Variants in MYOF observed in about 807,000 individuals in gnomAD.
MYOF encodes fer-1-like 3, myoferlin.
A neutral mutation model predicts 284.2 loss-of-function variants in MYOF; 244 were observed. The observed-to-expected ratio is 0.86, with a 90% CI of 0.77 to 0.95. The LOEUF (loss-of-function observed/expected upper bound fraction) is 0.95. Ranked by LOEUF, MYOF falls within the 40% of genes least tolerant of loss-of-function variation. The pLI is 0.00. For synonymous variants in MYOF, 904 were observed against 919.7 expected (o/e 0.98, Z 0.31); for missense variants, 2,496 against 2,560.6 (o/e 0.97, Z 0.54).
At chr10:93,348,879 C>G (rs932869762) in intron 36 of MYOF, among the ~76,000 whole-genome samples, 4 of 152,174 alleles carry the variant, frequency 2.6e-5, no homozygotes, top group Admixed American at 2.6e-4. Flanking sequence ...GCAGCTGTCA[C>G]TAGTTAGGAC....
At chr10:93,339,936 G>A (rs941958482) in intron 39 of MYOF, among the ~76,000 whole-genome samples, 1 of 152,088 alleles carries the variant, frequency 6.6e-6, no homozygotes. Context: ...AAAATTAGCC[G>A]GGCGAGGTGG....
intron 5 of MYOF, among the ~76,000 whole-genome samples, chr10:93,420,240 G>A (rs1404976028): frequency 6.6e-6 from 1 of 152,180 alleles, no homozygotes; most frequent in African/African-American, 2.4e-5. Flanking sequence ...TTTAACAGAT[G>A]GTGCTTCAAA....
chr10:93,457,624 T>C (rs1452042167), intron 1 of MYOF, among the ~76,000 whole-genome samples: 1 of 152,176 alleles, frequency 6.6e-6, no homozygotes, highest in African/African-American at 2.4e-5. Flanking sequence ...AGTTTCCTTG[T>C]AGCAAAGTCC....
intron 1 of MYOF, among the ~76,000 whole-genome samples, chr10:93,462,858 C>G (rs763647735): frequency 6.6e-6 from 1 of 151,950 alleles, no homozygotes; most frequent in Non-Finnish European, 1.5e-5. Flanking sequence ...CCTGCAGGCA[C>G]TGAACATCAA....
In MYOF at chr10:93,374,909, C is replaced by T. The variant is rs776968617; in HGVS notation, c.2155G>A (p.Asp719Asn). ...TEGKANVTVL[D>N]TQIRKLRSRS... ...GACCGCAGCTTTCGGATCTGAGTAT[C>T]GAGAACTGTGACGTTGGCTTTTCCT... Residue 719 changes from aspartate (D) to asparagine (N), a missense_variant, in exon 23 of 54, where the codon GAT becomes AAT. Physicochemically the swap from Asp to Asn is conservative, Grantham distance 23. Transcript: ENST00000359263. The T allele has an allele frequency of 1.9e-6, 3 of 1,613,940 alleles. No individual in the cohort carries two copies. The highest frequency in any genetic ancestry group is 2.2e-5 in the South Asian group (2 of 91,078).
Position 93,306,932 on chromosome 10 carries a change from G to C in MYOF, c.*31C>G. Reference sequence around the variant, plus strand: ...CAGAGGCAGGATTCTCTCATTGCTGGATGACTCTTGAAATGAAGCCTTTGC... The same window carrying C: ...CAGAGGCAGGATTCTCTCATTGCTGCATGACTCTTGAAATGAAGCCTTTGC... On this transcript the variant is annotated 3_prime_UTR_variant, in exon 54 of 54. Transcript: ENST00000359263. 3 of 1,605,208 alleles carry C rather than the reference G, an allele frequency of 1.9e-6. No individual in the cohort carries two copies. The highest frequency in any genetic ancestry group is 1.7e-6 in the Non-Finnish European group (2 of 1,172,520).
intron 36 of MYOF, among the ~76,000 whole-genome samples, chr10:93,348,616 C>A (rs1424535297): frequency 6.6e-6 from 1 of 151,900 alleles, no homozygotes; most frequent in Non-Finnish European, 1.5e-5. Flanking sequence ...GGCCCAGGGA[C>A]AACCACTTTG....
intron 1 of MYOF, among the ~76,000 whole-genome samples, chr10:93,478,825 CAAAAAAAA>C (rs796689657): frequency 9.7e-6 from 1 of 103,598 alleles, no homozygotes; most frequent in Non-Finnish European, 1.9e-5. Context: ...GAAACAGTCT[CAAAAAAAA>C]AAAAAAAAAA....
At chr10:93,364,704 G>C (rs1410380042) in intron 26 of MYOF, among the ~76,000 whole-genome samples, 1 of 152,106 alleles carries the variant, frequency 6.6e-6, no homozygotes, top group Non-Finnish European at 1.5e-5. Flanking sequence ...GGAATTCTTT[G>C]GACAACCCGC....
chr10:93,368,749 G>A (rs1178458754), intron 25 of MYOF, among the ~76,000 whole-genome samples: 1 of 152,210 alleles, frequency 6.6e-6, no homozygotes, highest in Non-Finnish European at 1.5e-5. Context: ...GCAGATCAGA[G>A]CCACAATCCT....
chr10:93,455,041 A>G (rs2056705079), intron 2 of MYOF, among the ~76,000 whole-genome samples: 1 of 148,210 alleles, frequency 6.7e-6, no homozygotes, highest in South Asian at 2.1e-4. Flanking sequence ...TATGCGTGTA[A>G]TCCCAGGACT....
intron 48 of MYOF, among the ~76,000 whole-genome samples, chr10:93,320,534 G>A (rs1165647901): frequency 6.6e-6 from 1 of 152,120 alleles, no homozygotes; most frequent in Non-Finnish European, 1.5e-5. Context: ...TAATATTAAT[G>A]ATACCGGCAA....
intron 37 of MYOF, among the ~76,000 whole-genome samples, chr10:93,344,522 T>C (rs1214482938): frequency 1.3e-5 from 2 of 151,978 alleles, no homozygotes; most frequent in Non-Finnish European, 2.9e-5. Context: ...TAAAGGAGTC[T>C]TCTTTTCTTG....
At chr10:93,464,068 T>C (rs12240900) in intron 1 of MYOF, among the ~76,000 whole-genome samples, 7,350 of 152,248 alleles carry the variant, frequency 0.048, 408 homozygotes, top group East Asian at 0.25. Context: ...TTACACTCAG[T>C]TGACTTTAAG....
intron 21 of MYOF, among the ~76,000 whole-genome samples, chr10:93,378,548 G>T (rs886135659): frequency 6.6e-6 from 1 of 151,518 alleles, no homozygotes; most frequent in Admixed American, 6.6e-5. Flanking sequence ...ATATGTTTTG[G>T]TCCAGCCCTG....
Position 93,366,454 on chromosome 10 carries a change from T to C in MYOF, c.2691A>G (p.Glu897=). 6.2e-7 allele frequency: 1 copy of C among 1,613,956 alleles called. No homozygotes were observed. The highest frequency in any genetic ancestry group is 8.5e-7 in the Non-Finnish European group (1 of 1,179,976). ...CCCAGCCTTTTGGAGGCAGAAAAAA[T>C]TCCCTCTTGAGTTTTATTTTTCCTG... ...DVTGKIKLKR[E]FFLPPKGWEW... Residue 897 remains glutamate (E), a synonymous_variant, in exon 26 of 54, where the codon GAA becomes GAG. Transcript: ENST00000359263.
At position 93,409,643 on chromosome 10, in the gene MYOF, T is replaced by G; in HGVS notation, c.530A>C (p.Gln177Pro). Reference sequence around the variant, plus strand: ...TACTTTGGTGAGCCTCCGAGCAAGCTGAGCTTCCGACACCGTCCCAACTGG... The same window carrying G: ...TACTTTGGTGAGCCTCCGAGCAAGCGGAGCTTCCGACACCGTCCCAACTGG... Reference protein sequence around the residue: ...KGPVGTVSEAQLARRLTKVKN... With the variant: ...KGPVGTVSEAPLARRLTKVKN... The change falls in exon 6 of 54, where the codon CAG (glutamine) becomes CCG (proline). Residue 177 changes from glutamine (Q) to proline (P), a missense_variant. Physicochemically the swap from Gln to Pro is moderately conservative, Grantham distance 76 (BLOSUM62 -1). Around this residue, in one of 3 missense-constraint regions of MYOF, gnomAD observed 2,436 missense variants for 2,480.7 expected, o/e 0.98. Coordinates refer to ENST00000359263, the MANE Select transcript of MYOF (RefSeq NM_013451.4). The G allele has an allele frequency of 6.2e-7, 1 of 1,614,194 alleles. No homozygotes were observed. Among genetic ancestry groups the G allele is most frequent in the Admixed American group, 1.7e-5 (1 of 60,030 alleles).
chr10:93,351,774 G>C lies in MYOF; in HGVS notation c.3554C>G (p.Thr1185Arg). ...ATCGAATATAATTGTTTGGTCCCAC[G>C]TGGGATTCAGGGTTGAATGGATGAT... ...TEIIHSTLNP[T>R]WDQTIIFDEV... Residue 1185 changes from threonine to arginine, a missense_variant, in exon 33 of 54, where the codon ACG becomes AGG. Thr to Arg is a moderately conservative substitution (Grantham distance 71). Transcript: ENST00000359263. 1 of 1,602,898 alleles carries C rather than the reference G, an allele frequency of 6.2e-7. No homozygotes were observed. The highest frequency in any genetic ancestry group is 8.5e-7 in the Non-Finnish European group (1 of 1,177,442).
Position 93,359,907 on chromosome 10 carries a change from G to A in MYOF, c.3046C>T (p.His1016Tyr), listed in dbSNP as rs773088992. 6.2e-7 allele frequency: 1 copy of A among 1,614,096 alleles called. No homozygotes were observed. The highest frequency in any genetic ancestry group is 2.2e-5 in the East Asian group (1 of 44,868). ...ACCAGCCTTCGCCGTCTATGAGTGT[G>A]GTACATTTTCTCTGCTGCAACCCAG... ...KSWVAAEKMY[H>Y]THRRRRLVRK... is the part of the protein sequence containing the mutation. Residue 1016 changes from histidine (H) to tyrosine (Y), a missense_variant, in exon 29 of 54, where the codon CAC (histidine) becomes TAC (tyrosine). This residue lies in a region of MYOF where 2,436 missense variants were observed against 2,480.7 expected (regional missense o/e 0.98). Coordinates refer to ENST00000359263, the MANE Select transcript of MYOF (RefSeq NM_013451.4).
Sources: allele counts gnomAD v4.1 joint callset (sites outside exome capture counted in the v4.1 genomes callset), GRCh38; gene constraint gnomAD v4.1.1; regional missense constraint gnomAD v4.1.1; transcripts MANE v1.5; gene names NCBI Gene and HGNC (gene_info 2026-07-23, HGNC 2026-07-21).